The following GPATCH1 variants were observed in gnomAD, a reference collection of about 807,000 sequenced individuals.
The protein encoded by GPATCH1 is G patch domain-containing protein 1.
A neutral mutation model predicts 114.9 loss-of-function variants in GPATCH1; 73 were observed. That is an observed-to-expected ratio of 0.64 (90% CI 0.53 to 0.77). GPATCH1 has a LOEUF of 0.77. Ranked by LOEUF, GPATCH1 falls within the 30% of genes least tolerant of loss-of-function variation. GPATCH1 has a pLI of 0.00. For synonymous variants in GPATCH1, 391 were observed against 428.4 expected (o/e 0.91, Z 1.08); for missense variants, 1,058 against 1,144.3 (o/e 0.92, Z 1.09).
rs745453494 is a variant in GPATCH1 at position 33,126,669 on chromosome 19, G to A, written c.2701G>A (p.Asp901Asn). 2.2e-5 allele frequency: 35 copies of A among 1,613,972 alleles called. No individual in the cohort carries two copies. The highest frequency in any genetic ancestry group is 1.5e-4 in the Admixed American group (9 of 59,966). The change falls in exon 19 of 20, where the codon GAC becomes AAC. Residue 901 changes from aspartate to asparagine, a missense_variant. Coordinates refer to ENST00000170564, the MANE Select transcript of GPATCH1 (RefSeq NM_018025.3). ...GAAAAGTAGTAGCTCCGAGAGTTCC[G>A]ACAGCAGCGACAGCCAGAGTGACGA... ...PEKSSSSESS[D>N]SSDSQSDEET... is the part of the protein sequence containing the mutation.
chr19:33,096,554 C>A, intron 7 of GPATCH1, 108 bp downstream of exon 7: 1 of 875,220 alleles, frequency 1.1e-6, no homozygotes, highest in Non-Finnish European at 1.7e-6. Context: ...TCCCCCTAAT[C>A]CTCAAGTGGA....
At chr19:33,100,220 T>C (rs1467858729) in intron 8 of GPATCH1, 8 of 152,200 alleles carry the variant, frequency 5.3e-5, no homozygotes, top group African/African-American at 1.9e-4. Flanking sequence ...GGTTTTGAGA[T>C]AATACAAGTT....
chr19:33,099,496 C>T (rs181180725), intron 8 of GPATCH1, among the ~76,000 whole-genome samples: 1 of 152,082 alleles, frequency 6.6e-6, no homozygotes, highest in East Asian at 1.9e-4. Context: ...CTTCCTCTCT[C>T]CCCCCCTGCA....
intron 5 of GPATCH1, 52 bp from the exon 6 acceptor site, chr19:33,095,710 G>A: frequency 1.5e-6 from 2 of 1,313,148 alleles, no homozygotes; most frequent in Admixed American, 1.7e-5. Flanking sequence ...CCTGGTCGGG[G>A]TTTTCTATTT....
At chr19:33,089,281 C>T (rs1972568710) in intron 2 of GPATCH1, among the ~76,000 whole-genome samples, 1 of 152,178 alleles carries the variant, frequency 6.6e-6, no homozygotes, top group Non-Finnish European at 1.5e-5. Flanking sequence ...AAGGAGCCAG[C>T]ATGGCGTTAG....
intron 4 of GPATCH1, 44 bp downstream of exon 4, chr19:33,093,563 T>G: frequency 6.5e-7 from 1 of 1,547,738 alleles, no homozygotes; most frequent in Non-Finnish European, 8.8e-7. Context: ...CACCGGTGTT[T>G]TGCATATGTG....
At chr19:33,093,286 G>A in intron 3 of GPATCH1, 73 bp from the exon 4 acceptor site, 1 of 971,990 alleles carries the variant, frequency 1.0e-6, no homozygotes, top group Non-Finnish European at 1.5e-6. Context: ...TTTTTTAACA[G>A]AAATAAAACT....
intron 18 of GPATCH1, among the ~76,000 whole-genome samples, chr19:33,125,434 T>C (rs549422343): frequency 6.6e-5 from 10 of 150,904 alleles, no homozygotes; most frequent in Non-Finnish European, 1.5e-4. Context: ...AGTCTCACTC[T>C]GTTGCCTAGG....
chr19:33,118,174 TA>T, intron 16 of GPATCH1, 133 bp downstream of exon 16: 16 of 436,702 alleles, frequency 3.7e-5, no homozygotes, highest in African/African-American at 3.6e-4. Flanking sequence ...TATATGTATA[TA>T]ATTTTTTTTT....
chr19:33,094,128 A>T (rs1212747475), intron 4 of GPATCH1, 44 bp from the exon 5 acceptor site: 1 of 1,009,152 alleles, frequency 9.9e-7, no homozygotes, highest in Non-Finnish European at 1.6e-6. Context: ...ATTCTTTGTT[A>T]ATGTTATTTT....
At chr19:33,101,389 C>G (rs1163895627) in intron 8 of GPATCH1, 106 bp from the exon 9 acceptor site, 3 of 694,354 alleles carry the variant, frequency 4.3e-6, no homozygotes, top group African/African-American at 1.8e-5. Flanking sequence ...GCATGTATGA[C>G]ACGTACTATT....
chr19:33,113,705 T>C (rs766955520), intron 13 of GPATCH1, 62 bp from the exon 14 acceptor site: 2 of 1,484,584 alleles, frequency 1.3e-6, no homozygotes, highest in South Asian at 1.2e-5. Flanking sequence ...ATGGAAAGCT[T>C]TTCAGGAGGT....
chr19:33,091,186 C>T lies in GPATCH1; in HGVS notation c.294+321C>T, dbSNP rs143154258. On this transcript the variant is annotated intron_variant, in intron 3 of 19. Transcript: ENST00000170564. ...CAGCACTTTGGGAGGCCGAGACAGGCGGATCACGAGGTCAGGAGATCAAGA... is the reference window on the plus strand; with the variant it reads ...CAGCACTTTGGGAGGCCGAGACAGGTGGATCACGAGGTCAGGAGATCAAGA... Among the ~76,000 whole-genome samples the T allele has an allele frequency of 4.2e-3, 646 of 152,042 alleles. 8 individuals carry two copies. The highest frequency in any genetic ancestry group is 0.014 in the African/African-American group (597 of 41,476).
chr19:33,082,149 C>G (rs1387295929), intron 1 of GPATCH1, among the ~76,000 whole-genome samples: 1 of 151,872 alleles, frequency 6.6e-6, no homozygotes, highest in Non-Finnish European at 1.5e-5. Context: ...GTGTAGTGGT[C>G]TGGGTGGAGA....
intron 18 of GPATCH1, 74 bp from the exon 19 acceptor site, chr19:33,126,514 T>C: frequency 3.1e-6 from 5 of 1,590,154 alleles, no homozygotes; most frequent in South Asian, 1.1e-5. Flanking sequence ...TGCAGCCTTG[T>C]TAACCTTTCA....
chr19:33,095,448 G>A (rs1477465158), intron 5 of GPATCH1, among the ~76,000 whole-genome samples: 1 of 151,750 alleles, frequency 6.6e-6, no homozygotes, highest in African/African-American at 2.4e-5. Context: ...ATTTTTTGTA[G>A]AGACGGGGTT....
chr19:33,109,513 AAAT>A (rs201120613), intron 10 of GPATCH1, among the ~76,000 whole-genome samples: 130 of 152,136 alleles, frequency 8.5e-4, no homozygotes, highest in Non-Finnish European at 1.5e-3. Context: ...ACTCCATCTA[AAAT>A]AATAATAATA....
intron 18 of GPATCH1, 62 bp downstream of exon 18, chr19:33,125,264 G>C: frequency 6.4e-7 from 1 of 1,551,504 alleles, no homozygotes; most frequent in Non-Finnish European, 8.7e-7. Context: ...CAGCCCCCAG[G>C]AGTGTCATAT....
intron 16 of GPATCH1, among the ~76,000 whole-genome samples, chr19:33,118,248 G>A (rs1212462310): frequency 4.2e-5 from 6 of 143,820 alleles, no homozygotes; most frequent in South Asian, 2.2e-4. Flanking sequence ...CGCAATCTTC[G>A]GCTCACTGCA....
Sources: gnomAD v4.1 joint callset for allele counts (sites outside exome capture counted in the v4.1 genomes callset) on GRCh38, gnomAD v4.1.1 for gene constraint, MANE v1.5 for transcripts, NCBI Gene and HGNC (gene_info 2026-07-23, HGNC 2026-07-21) for gene names.